RTKN2: variants seen among roughly 807,000 people sequenced by gnomAD.
The protein encoded by RTKN2 is rhotekin-2.
In RTKN2, 69 loss-of-function variants were observed where a neutral mutation model predicts 71.5. The observed-to-expected ratio is 0.96, with a 90% confidence interval of 0.79 to 1.18. The LOEUF is 1.18. RTKN2 is among the 50% of genes most tolerant of loss of function. The pLI, the probability that RTKN2 is intolerant of heterozygous loss-of-function variation, is 0.00. For missense variants in RTKN2, 724 were observed against 719.7 expected (o/e 1.01, Z -0.07); for synonymous variants, 236 against 236.5 (o/e 1.00, Z 0.02).
intron 2 of RTKN2, among the ~76,000 whole-genome samples, chr10:62,255,878 G>C (rs1342258296): frequency 2.0e-5 from 3 of 152,168 alleles, no homozygotes; most frequent in Non-Finnish European, 4.4e-5. Flanking sequence ...TGTTTAACTT[G>C]AGTCTGATAA....
chr10:62,236,556 T>C (rs1344963900), intron 5 of RTKN2, among the ~76,000 whole-genome samples: 1 of 152,018 alleles, frequency 6.6e-6, no homozygotes, highest in African/African-American at 2.4e-5. Flanking sequence ...AACTACTACA[T>C]GATCCAGCAG....
intron 8 of RTKN2, among the ~76,000 whole-genome samples, chr10:62,188,027 T>A (rs910011161): frequency 2.0e-5 from 3 of 152,344 alleles, no homozygotes; most frequent in Admixed American, 6.5e-5. Flanking sequence ...CAGTTTCAAG[T>A]TTTTAGGTAG....
At chr10:62,201,571 C>A (rs1841443215) in intron 10 of RTKN2, among the ~76,000 whole-genome samples, 2 of 151,750 alleles carry the variant, frequency 1.3e-5, no homozygotes, top group African/African-American at 2.4e-5. Flanking sequence ...TTCTTAGGGG[C>A]AGGAAAAAAA....
chr10:62,192,708 G>A (rs1055914410), downstream of RTKN2, among the ~76,000 whole-genome samples: 1 of 152,142 alleles, frequency 6.6e-6, no homozygotes, highest in East Asian at 1.9e-4. Context: ...AGCAAGGGCC[G>A]GAGCACAGTT....
chr10:62,267,859 T>C (rs915159184), intron 1 of RTKN2, among the ~76,000 whole-genome samples: 1 of 152,096 alleles, frequency 6.6e-6, no homozygotes, highest in Non-Finnish European at 1.5e-5. Flanking sequence ...TGGTTAAGAG[T>C]GAAAAGTGGT....
chr10:62,266,820 A>G (rs1371660617), intron 1 of RTKN2, among the ~76,000 whole-genome samples: 3 of 152,208 alleles, frequency 2.0e-5, no homozygotes, highest in Non-Finnish European at 4.4e-5. Context: ...CGGAATACCC[A>G]AGCTACAACG....
At chr10:62,185,451 A>G (rs574389741) in intron 8 of RTKN2, among the ~76,000 whole-genome samples, 1 of 152,224 alleles carries the variant, frequency 6.6e-6, no homozygotes, top group South Asian at 2.1e-4. Flanking sequence ...CCCCGTCTCT[A>G]CTAAAAATAC....
chr10:62,202,883 G>A (rs766049405), intron 10 of RTKN2, among the ~76,000 whole-genome samples: 5 of 152,152 alleles, frequency 3.3e-5, no homozygotes, highest in Admixed American at 2.6e-4. Flanking sequence ...TACAATAGCT[G>A]GGTGCGGTGG....
chr10:62,227,126 A>G (rs757591784), intron 6 of RTKN2, among the ~76,000 whole-genome samples: 9 of 152,238 alleles, frequency 5.9e-5, no homozygotes, highest in Non-Finnish European at 1.0e-4. Flanking sequence ...GCACTGTTCC[A>G]GGTGTTAAAA....
chr10:62,189,881 G>C (rs1247247897), downstream of RTKN2, among the ~76,000 whole-genome samples: 1 of 146,718 alleles, frequency 6.8e-6, no homozygotes, highest in Non-Finnish European at 1.5e-5. Flanking sequence ...TTCAGCTTAA[G>C]TTAGTTTCTG....
chr10:62,216,698 T>C (rs1039642979), intron 9 of RTKN2, among the ~76,000 whole-genome samples: 6 of 152,082 alleles, frequency 3.9e-5, no homozygotes, highest in Non-Finnish European at 7.4e-5. Flanking sequence ...GACTGGACAA[T>C]TGCCTATCAA....
chr10:62,238,960 C>G, intron 5 of RTKN2: 1 of 152,050 alleles, frequency 6.6e-6, no homozygotes, highest in South Asian at 2.1e-4. Flanking sequence ...GATTTAGGCA[C>G]ATAGAACCTT....
chr10:62,238,443 G>A (rs1392383822), intron 5 of RTKN2: 3 of 151,580 alleles, frequency 2.0e-5, no homozygotes, highest in African/African-American at 7.3e-5. Context: ...TCTGATTTTT[G>A]TCTCCATGAT....
At chr10:62,206,973 T>C (rs569734114) in intron 9 of RTKN2, among the ~76,000 whole-genome samples, 5 of 152,132 alleles carry the variant, frequency 3.3e-5, no homozygotes, top group Admixed American at 1.3e-4. Flanking sequence ...ATCAGACTAA[T>C]TGAAGGTTAA....
At position 62,194,776 on chromosome 10, in the gene RTKN2, T is replaced by G; in HGVS notation, c.*3132A>C. 2 of 985,138 alleles carry G rather than the reference T, an allele frequency of 2.0e-6. No individual in the cohort carries two copies. The highest frequency in any genetic ancestry group is 9.4e-5 in the South Asian group (2 of 21,286). The allele number at this position is 985,138 out of a possible 1,614,324, so 61.0% of individuals were successfully genotyped here. ...TGCTTAACCTACCTTACGTGAGGTA[T>G]CTCTAATTCAAGACAGCTTCCATTT... On this transcript the variant is annotated 3_prime_UTR_variant, in exon 12 of 12. Coordinates refer to ENST00000373789, the MANE Select transcript of RTKN2 (RefSeq NM_145307.4).
At chr10:62,214,474 T>C (rs1349787413) in intron 9 of RTKN2, among the ~76,000 whole-genome samples, 1 of 152,156 alleles carries the variant, frequency 6.6e-6, no homozygotes, top group East Asian at 1.9e-4. Flanking sequence ...ACTGATTGAC[T>C]ACAAAATCTC....
intron 2 of RTKN2, among the ~76,000 whole-genome samples, chr10:62,252,427 A>C (rs1036313694): frequency 1.3e-5 from 2 of 152,150 alleles, no homozygotes; most frequent in African/African-American, 4.8e-5. Context: ...ACTCATGTGG[A>C]AGAATCTTCT....
chr10:62,239,656 T>C lies in RTKN2; in HGVS notation c.480A>G (p.Val160=), dbSNP rs375635704. 1 of 1,382,370 alleles carries C rather than the reference T, an allele frequency of 7.2e-7. No individual in the cohort carries two copies. Among genetic ancestry groups the C allele is most frequent in the African/African-American group, 1.4e-5 (1 of 69,334 alleles). 85.6% of individuals were successfully genotyped at this position (1,382,370 alleles called of 1,614,324 possible). ...GATTAAAAAATACTTACAATATGGTTACATTTTCAAAACATATATCTGTGA... is the reference window on the plus strand; with the variant it reads ...GATTAAAAAATACTTACAATATGGTCACATTTTCAAAACATATATCTGTGA... The part of the protein sequence containing the change: ...KTITDICFEN[V]TIFNEAGPDF... The change falls in exon 5 of 12, where the codon GTA becomes GTG. Residue 160 remains valine (V), a synonymous_variant. Coordinates refer to ENST00000373789, the MANE Select transcript of RTKN2 (RefSeq NM_145307.4).
chr10:62,196,084 A>G lies in RTKN2; in HGVS notation c.*1824T>C, dbSNP rs1215284449. The stretch of plus-strand genomic sequence containing the variant: ...ATGCTTAGATGCCAGCTTCAAAACA[A>G]TTTTCCCTGCAGCATCTTCTAGCTC... On this transcript the variant is annotated 3_prime_UTR_variant, in exon 12 of 12. Coordinates refer to ENST00000373789, the MANE Select transcript of RTKN2 (RefSeq NM_145307.4). The G allele has an allele frequency of 2.0e-6, 2 of 985,242 alleles. No individual in the cohort carries two copies. Among genetic ancestry groups the G allele is most frequent in the Admixed American group, 1.2e-4 (2 of 16,240 alleles). The allele number at this position is 985,242 out of a possible 1,614,324, so 61.0% of individuals were successfully genotyped here. A position where few individuals can be genotyped will look rare whatever the true frequency, so the allele number is the denominator to read the frequency against.
Sources: allele counts gnomAD v4.1 joint callset (sites outside exome capture counted in the v4.1 genomes callset), GRCh38; gene constraint gnomAD v4.1.1; transcripts MANE v1.5; gene names NCBI Gene and HGNC (gene_info 2026-07-23, HGNC 2026-07-21).